The following KCNK2 variants were observed in gnomAD, a reference collection of about 807,000 sequenced individuals.
KCNK2 encodes the protein potassium channel subfamily K member 2.
Under a neutral mutation model 40.5 loss-of-function variants are expected in KCNK2, and 21 were observed. The ratio of observed to expected loss-of-function variants is 0.52; its 90% CI spans 0.37 to 0.75. The LOEUF is 0.75. Among genes scored for constraint, KCNK2 ranks in the 30% least tolerant of loss-of-function variants. The pLI is 0.00. For synonymous variants in KCNK2, 191 were observed against 202.2 expected (o/e 0.94, Z 0.47); for missense variants, 399 against 531.6 (o/e 0.75, Z 2.45).
At chr1:215,156,771 G>C (rs563708094) in intron 3 of KCNK2, among the ~76,000 whole-genome samples, 163 of 152,228 alleles carry the variant, frequency 1.1e-3, no homozygotes, top group African/African-American at 3.9e-3. Flanking sequence ...CAACAGGAGA[G>C]AGCTATAGAG....
chr1:215,230,532 T>TATATATATATATATACACATAACA (rs1558150321), intron 6 of KCNK2, among the ~76,000 whole-genome samples: 1 of 37,116 alleles, frequency 2.7e-5, no homozygotes, highest in African/African-American at 7.5e-5. Flanking sequence ...TATATATATA[T>TATATATATATATATACACATAACA]GTATATATAT....
chr1:215,138,570 T>C (rs1460702317), intron 3 of KCNK2, among the ~76,000 whole-genome samples: 4 of 152,024 alleles, frequency 2.6e-5, no homozygotes, highest in East Asian at 3.9e-4. Flanking sequence ...CTGGGCAACA[T>C]TGCAAGATCC....
chr1:215,094,621 T>C (rs4634877), intron 2 of KCNK2, among the ~76,000 whole-genome samples: 81,541 of 151,980 alleles, frequency 0.54, 24,822 homozygotes, highest in Non-Finnish European at 0.68. Flanking sequence ...AAATACTTTT[T>C]CTTGTATAAC....
intron 1 of KCNK2, among the ~76,000 whole-genome samples, chr1:215,060,105 T>C (rs976128567): frequency 2.0e-5 from 3 of 152,178 alleles, no homozygotes. Context: ...GCTCAGGTAC[T>C]GAGGTGAGAG....
intron 3 of KCNK2, among the ~76,000 whole-genome samples, chr1:215,125,890 T>C (rs1422414940): frequency 6.6e-6 from 1 of 151,462 alleles, no homozygotes; most frequent in Non-Finnish European, 1.5e-5. Flanking sequence ...GCATATTTTT[T>C]AAGAAAGAGA....
chr1:215,229,330 AT>A (rs1205176510), intron 6 of KCNK2, among the ~76,000 whole-genome samples: 1 of 149,750 alleles, frequency 6.7e-6, no homozygotes, highest in African/African-American at 2.5e-5. Flanking sequence ...GGGCAGTTAT[AT>A]TCCTAAAGCA....
chr1:215,054,894 A>C (rs1220534831), intron 1 of KCNK2, among the ~76,000 whole-genome samples: 1 of 152,180 alleles, frequency 6.6e-6, no homozygotes, highest in African/African-American at 2.4e-5. Context: ...GTCTTTACCA[A>C]ATACTATGAA....
chr1:215,142,251 TTTCCAAACATA>T (rs1378880363), intron 3 of KCNK2, among the ~76,000 whole-genome samples: 2 of 152,168 alleles, frequency 1.3e-5, no homozygotes, highest in Non-Finnish European at 2.9e-5. Context: ...CCTGTTGTGA[TTTCCAAACATA>T]TTCTGGGTCC....
intron 3 of KCNK2, among the ~76,000 whole-genome samples, chr1:215,165,623 A>G (rs1273262639): frequency 1.3e-5 from 2 of 152,158 alleles, no homozygotes; most frequent in Non-Finnish European, 2.9e-5. Flanking sequence ...CACTTTTCAC[A>G]TAGTACTTTA....
rs61818346 is a variant in KCNK2 at position 215,169,610 on chromosome 1, A to T, written c.636+251A>T. On this transcript the variant is annotated intron_variant, in intron 4 of 6. Coordinates refer to ENST00000444842, the MANE Select transcript of KCNK2 (RefSeq NM_001017425.3). Reference sequence around the variant, plus strand: ...AAAAGTAGGAATTCAAAAGTCTTAGATTCAAATTTCTTTTACTTTTTTCTT... The same window carrying T: ...AAAAGTAGGAATTCAAAAGTCTTAGTTTCAAATTTCTTTTACTTTTTTCTT... Among the ~76,000 whole-genome samples the T allele has an allele frequency of 9.7e-3, 1,458 of 150,208 alleles. 23 individuals are homozygous for T. Among genetic ancestry groups the T allele is most frequent in the South Asian group, 0.061 (292 of 4,778 alleles).
chr1:215,146,270 G>A (rs181324392), intron 3 of KCNK2, among the ~76,000 whole-genome samples: 57 of 152,212 alleles, frequency 3.7e-4, no homozygotes, highest in Middle Eastern at 3.4e-3. Flanking sequence ...GCCCTTCAAC[G>A]TTTAGCTGCA....
At chr1:215,093,291 C>A (rs983244693) in intron 2 of KCNK2, among the ~76,000 whole-genome samples, 1 of 146,536 alleles carries the variant, frequency 6.8e-6, no homozygotes, top group Non-Finnish European at 1.5e-5. Flanking sequence ...TATTATTTTC[C>A]TTTAAGGGCC....
chr1:215,059,758 G>A (rs1429464747), intron 1 of KCNK2, among the ~76,000 whole-genome samples: 2 of 152,182 alleles, frequency 1.3e-5, no homozygotes, highest in South Asian at 2.1e-4. Flanking sequence ...CTAGACAAGG[G>A]GAGAAAGATA....
At chr1:215,228,533 C>CT (rs547294347) in intron 6 of KCNK2, among the ~76,000 whole-genome samples, 90 of 152,292 alleles carry the variant, frequency 5.9e-4, no homozygotes, top group Middle Eastern at 3.4e-3. Flanking sequence ...GTAAAGACCT[C>CT]TTTCTTCCGT....
In KCNK2 at chr1:215,074,689, T is replaced by C. The variant is rs1227892377; in HGVS notation, c.35-11679T>C. On this transcript the variant is annotated intron_variant, in intron 1 of 6. Coordinates refer to the KCNK2 transcript ENST00000391895. ...TTAAAAAGCATCACATTTGATATAATTGCTTTGCCTAGTATTGGCACACTT... is the reference window on the plus strand; with the variant it reads ...TTAAAAAGCATCACATTTGATATAACTGCTTTGCCTAGTATTGGCACACTT... 3.9e-5 allele frequency among the ~76,000 whole-genome samples: 6 copies of C among 152,226 alleles called. No individual in the cohort carries two copies. The East Asian group carries it at 1.2e-3, about 29-fold the overall frequency.
chr1:215,067,011 T>C (rs1025376485), intron 1 of KCNK2, among the ~76,000 whole-genome samples: 6 of 152,118 alleles, frequency 3.9e-5, no homozygotes, highest in African/African-American at 1.4e-4. Flanking sequence ...ACAAGAAAGA[T>C]GAACACCAAC....
chr1:215,027,101 C>T (rs1301333913), intron 1 of KCNK2, among the ~76,000 whole-genome samples: 4 of 152,018 alleles, frequency 2.6e-5, no homozygotes, highest in East Asian at 3.9e-4. Flanking sequence ...TGTTTATACA[C>T]AGTCATTCTA....
At chr1:215,069,664 G>T (rs1658680214) in intron 1 of KCNK2, among the ~76,000 whole-genome samples, 1 of 152,234 alleles carries the variant, frequency 6.6e-6, no homozygotes, top group Non-Finnish European at 1.5e-5. Flanking sequence ...ACAAGTTGGG[G>T]TTTATATAAT....
chr1:215,053,253 T>C (rs1045050473), intron 1 of KCNK2, among the ~76,000 whole-genome samples: 21 of 152,230 alleles, frequency 1.4e-4, no homozygotes, highest in African/African-American at 4.6e-4. Context: ...CTACATGTCT[T>C]TCTTATCCCA....
Sources: gnomAD v4.1 joint callset for allele counts (sites outside exome capture counted in the v4.1 genomes callset) on GRCh38, gnomAD v4.1.1 for gene constraint, MANE v1.5 for transcripts, NCBI Gene and HGNC (gene_info 2026-07-23, HGNC 2026-07-21) for gene names.